The following PBX3 variants were observed in gnomAD, a reference collection of about 807,000 sequenced individuals.
The protein encoded by PBX3 is PBX homeobox 3, also known as pre-B-cell leukemia transcription factor 3.
Under a neutral mutation model 48.5 loss-of-function variants are expected in PBX3, and 14 were observed. The observed-to-expected ratio is 0.29, with a 90% CI of 0.19 to 0.45. The LOEUF is 0.45. Among genes scored for constraint, PBX3 ranks in the 20% least tolerant of loss-of-function variants. The pLI is 1.00. For synonymous variants in PBX3, 210 were observed against 200.3 expected (o/e 1.05, Z -0.41); for missense variants, 386 against 546.7 (o/e 0.71, Z 2.93).
intron 8 of PBX3, among the ~76,000 whole-genome samples, chr9:125,963,388 C>T (rs558865739): frequency 5.9e-5 from 9 of 152,114 alleles, no homozygotes; most frequent in African/African-American, 1.7e-4. Context: ...TCCAGGGAGA[C>T]GGTAGAAAAC....
At chr9:125,797,510 A>G (rs1315683878) in intron 2 of PBX3, 2 of 152,072 alleles carry the variant, frequency 1.3e-5, no homozygotes, top group East Asian at 1.9e-4. Flanking sequence ...ACACTTAACC[A>G]TGTTTGTGAA....
intron 7 of PBX3, 59 bp from the exon 8 acceptor site, chr9:125,962,953 G>C: frequency 2.3e-6 from 2 of 879,790 alleles, no homozygotes; most frequent in Non-Finnish European, 3.7e-6. Context: ...ATTTCCTTTT[G>C]TAAGTGATGA....
chr9:125,873,242 G>A (rs1588244894), intron 2 of PBX3, among the ~76,000 whole-genome samples: 1 of 151,764 alleles, frequency 6.6e-6, no homozygotes, highest in Non-Finnish European at 1.5e-5. Flanking sequence ...AGGAGAAATA[G>A]ATTCCTAATT....
chr9:125,763,662 T>C (rs1386916546), intron 2 of PBX3, among the ~76,000 whole-genome samples: 2 of 152,052 alleles, frequency 1.3e-5, no homozygotes, highest in African/African-American at 4.8e-5. Flanking sequence ...GCTGTAACAA[T>C]ACTCGATGAT....
intron 2 of PBX3, among the ~76,000 whole-genome samples, chr9:125,851,664 C>T (rs1432629026): frequency 6.6e-6 from 1 of 151,978 alleles, no homozygotes; most frequent in Non-Finnish European, 1.5e-5. Context: ...TTGCAGTTTA[C>T]TGTAGTTTGT....
intron 2 of PBX3, among the ~76,000 whole-genome samples, chr9:125,791,397 C>A (rs897869163): frequency 2.0e-5 from 3 of 151,596 alleles, no homozygotes; most frequent in Non-Finnish European, 4.4e-5. Flanking sequence ...GATTTGTATC[C>A]CCACTTGAAT....
At chr9:125,900,803 AACTG>A (rs1840927800) in intron 2 of PBX3, among the ~76,000 whole-genome samples, 1 of 151,778 alleles carries the variant, frequency 6.6e-6, no homozygotes, top group Non-Finnish European at 1.5e-5. Context: ...TTTATCAGAT[AACTG>A]ACCATTGTTT....
chr9:125,842,990 G>A (rs1031896500), intron 2 of PBX3, among the ~76,000 whole-genome samples: 2 of 151,990 alleles, frequency 1.3e-5, no homozygotes, highest in Non-Finnish European at 2.9e-5. Context: ...GTTTTGCTGA[G>A]GCTATCCTTG....
chr9:125,820,705 A>C (rs1838625288), intron 2 of PBX3, among the ~76,000 whole-genome samples: 1 of 152,220 alleles, frequency 6.6e-6, no homozygotes, highest in South Asian at 2.1e-4. Flanking sequence ...AGATATAGTT[A>C]ATGCTGGTGA....
chr9:125,908,202 A>T (rs1481951600), intron 2 of PBX3, among the ~76,000 whole-genome samples: 1 of 152,098 alleles, frequency 6.6e-6, no homozygotes, highest in East Asian at 1.9e-4. Flanking sequence ...TCTGGGAGGA[A>T]CTTATTGAAG....
chr9:125,847,220 G>T (rs371685540), intron 2 of PBX3, among the ~76,000 whole-genome samples: 2 of 151,872 alleles, frequency 1.3e-5, no homozygotes, highest in Admixed American at 6.6e-5. Context: ...TTTATTTGGG[G>T]TAGCAAAATA....
chr9:125,816,312 A>G (rs1838461028), intron 2 of PBX3, among the ~76,000 whole-genome samples: 1 of 152,024 alleles, frequency 6.6e-6, no homozygotes, highest in Non-Finnish European at 1.5e-5. Flanking sequence ...CCCCTTCTCA[A>G]TGGTATACCC....
At chr9:125,960,876 C>G in intron 6 of PBX3, 27 bp downstream of exon 6, 1 of 1,605,768 alleles carries the variant, frequency 6.2e-7, no homozygotes, top group Non-Finnish European at 8.5e-7. Flanking sequence ...CGCTCCCCAA[C>G]TGGCCCAGGC....
intron 2 of PBX3, among the ~76,000 whole-genome samples, chr9:125,850,185 G>C (rs1190425834): frequency 6.6e-6 from 1 of 152,002 alleles, no homozygotes; most frequent in Admixed American, 6.6e-5. Flanking sequence ...TTTACTAACA[G>C]AAATAGAGTG....
Position 125,934,899 on chromosome 9 carries a change from C to T in PBX3, c.708-573C>T, listed in dbSNP as rs560023836. Among the ~76,000 whole-genome samples the T allele has an allele frequency of 1.5e-3, 232 of 152,204 alleles. 1 individual carries two copies. Among genetic ancestry groups the T allele is most frequent in the African/African-American group, 5.1e-3 (211 of 41,544 alleles). ...AATGGGCTTTGCAGTTCCTTTCATG[C>T]GCTCCTCCACCTATTCTCAGCAGTC... is the stretch of plus-strand genomic sequence containing the variant. On this transcript the variant is annotated intron_variant, in intron 4 of 8. Coordinates refer to ENST00000373489, the MANE Select transcript of PBX3 (RefSeq NM_006195.6).
intron 2 of PBX3, among the ~76,000 whole-genome samples, chr9:125,819,623 G>A (rs1838588335): frequency 6.6e-6 from 1 of 152,152 alleles, no homozygotes; most frequent in Non-Finnish European, 1.5e-5. Context: ...TTCCCTGCTT[G>A]TAAGAAGAGG....
chr9:125,841,036 G>A (rs1839276493), intron 2 of PBX3, among the ~76,000 whole-genome samples: 2 of 152,028 alleles, frequency 1.3e-5, no homozygotes, highest in African/African-American at 2.4e-5. Flanking sequence ...AAATTATTAT[G>A]TACTAACACT....
intron 5 of PBX3, among the ~76,000 whole-genome samples, chr9:125,955,691 C>T (rs149555389): frequency 6.6e-4 from 101 of 152,298 alleles, no homozygotes; most frequent in African/African-American, 2.1e-3. Flanking sequence ...GACCTTGCCT[C>T]AGAAGCCTCC....
At chr9:125,918,744 T>C (rs934598128) in intron 3 of PBX3, among the ~76,000 whole-genome samples, 5 of 152,234 alleles carry the variant, frequency 3.3e-5, no homozygotes, top group African/African-American at 1.2e-4. Context: ...CACTTAATTC[T>C]TTTAAGTTGT....
Sources: allele counts gnomAD v4.1 joint callset (sites outside exome capture counted in the v4.1 genomes callset), GRCh38; gene constraint gnomAD v4.1.1; transcripts MANE v1.5; gene names NCBI Gene and HGNC (gene_info 2026-07-23, HGNC 2026-07-21).